The following KIRREL1 variants were observed in gnomAD, a reference collection of about 807,000 sequenced individuals.
KIRREL1 encodes kirre like nephrin family adhesion molecule 1.
A neutral mutation model predicts 83.3 loss-of-function variants in KIRREL1; 25 were observed. That is an observed-to-expected ratio of 0.30 (90% confidence interval 0.22 to 0.42). The LOEUF is 0.42. Ranked by LOEUF, KIRREL1 falls within the 10% of genes least tolerant of loss-of-function variation. The pLI, the probability that KIRREL1 is intolerant of heterozygous loss-of-function variation, is 1.00. For missense variants in KIRREL1, 812 were observed against 1,032.3 expected, an observed-to-expected ratio of 0.79 and a Z score of 2.92; for synonymous variants, 388 against 410.4, an observed-to-expected ratio of 0.95 and a Z score of 0.66.
intron 1 of KIRREL1, among the ~76,000 whole-genome samples, chr1:158,060,233 T>C (rs2101604115): frequency 6.6e-6 from 1 of 152,280 alleles, no homozygotes; most frequent in African/African-American, 2.4e-5. Context: ...CTGGGCAGGG[T>C]TCTGATGACA....
intron 8 of KIRREL1, among the ~76,000 whole-genome samples, chr1:158,088,743 C>G (rs1662100723): frequency 6.6e-6 from 1 of 152,092 alleles, no homozygotes; most frequent in Non-Finnish European, 1.5e-5. Flanking sequence ...CTCGGCCTCC[C>G]AAAGTGCTGG....
intron 1 of KIRREL1, among the ~76,000 whole-genome samples, chr1:158,003,676 G>A (rs1385874589): frequency 2.6e-5 from 4 of 152,116 alleles, no homozygotes; most frequent in East Asian, 1.9e-4. Flanking sequence ...CCAGACTGAC[G>A]TGCCTATCAC....
chr1:158,089,604 C>T lies in KIRREL1; in HGVS notation c.1147C>T (p.Arg383Trp), dbSNP rs749954360. The stretch of plus-strand genomic sequence containing the variant: ...CGTGCCTCGAATCGGAGTGGCTGAG[C>T]GGGAGGTGCCGCTCTATGTGAACGG... ...AIVPRIGVAE[R>W]EVPLYVNGPP... Residue 383 changes from arginine (R) to tryptophan (W), a missense_variant, in exon 9 of 15, where the codon CGG becomes TGG. Physicochemically the swap from Arg to Trp is moderately radical, Grantham distance 101. This residue lies in a region of KIRREL1 where 472 missense variants were observed against 626.8 expected (regional missense o/e 0.75). Transcript: ENST00000359209. The T allele has an allele frequency of 5.0e-6, 8 of 1,613,694 alleles. No individual in the cohort carries two copies. The highest frequency in any genetic ancestry group is 4.4e-5 in the South Asian group (4 of 91,052).
intron 1 of KIRREL1, among the ~76,000 whole-genome samples, chr1:158,045,263 A>G (rs1660748556): frequency 6.6e-6 from 1 of 152,186 alleles, no homozygotes; most frequent in African/African-American, 2.4e-5. Flanking sequence ...CCCCATTACC[A>G]TGAGTTCTAG....
chr1:158,040,135 C>T (rs1329086133), intron 1 of KIRREL1, among the ~76,000 whole-genome samples: 2 of 152,210 alleles, frequency 1.3e-5, no homozygotes, highest in Non-Finnish European at 2.9e-5. Flanking sequence ...ACATAATCCT[C>T]AGTTTGTTCA....
chr1:158,040,125 A>G (rs1419722906), intron 1 of KIRREL1, among the ~76,000 whole-genome samples: 1 of 152,216 alleles, frequency 6.6e-6, no homozygotes, highest in Non-Finnish European at 1.5e-5. Flanking sequence ...TAGGGGCATA[A>G]CATAATCCTC....
chr1:158,030,307 C>T (rs537637093), intron 1 of KIRREL1, among the ~76,000 whole-genome samples: 1 of 152,352 alleles, frequency 6.6e-6, no homozygotes, highest in African/African-American at 2.4e-5. Context: ...TTCTTTCTCA[C>T]CCTCACATAC....
chr1:157,999,802 G>C (rs993947880), intron 1 of KIRREL1, among the ~76,000 whole-genome samples: 2 of 152,166 alleles, frequency 1.3e-5, no homozygotes, highest in Non-Finnish European at 2.9e-5. Context: ...TGAAACCAGG[G>C]AGGAGGAAGA....
Position 158,095,098 on chromosome 1 carries a change from A to T in KIRREL1, c.2252A>T (p.Gln751Leu). 1.9e-6 allele frequency: 3 copies of T among 1,603,684 alleles called. No homozygotes were observed. The highest frequency in any genetic ancestry group is 2.6e-6 in the Non-Finnish European group (3 of 1,172,918). The stretch of plus-strand genomic sequence containing the variant: ...TCGGACTACGGCCAGCGATTCCAGC[A>T]GCGCATGCAGACTCACGTGTAGGGG... Reference protein sequence around the residue: ...QHSDYGQRFQQRMQTHV With the variant: ...QHSDYGQRFQLRMQTHV The change falls in exon 15 of 15, where the codon CAG (glutamine) becomes CTG (leucine). Residue 751 changes from glutamine to leucine, a missense_variant. Physicochemically the swap from Gln to Leu is moderately radical, Grantham distance 113. This residue lies in a region of KIRREL1 where 334 missense variants were observed against 383.7 expected (regional missense o/e 0.87). Coordinates refer to ENST00000359209, the MANE Select transcript of KIRREL1 (RefSeq NM_018240.7).
intron 8 of KIRREL1, 107 bp downstream of exon 8, chr1:158,088,561 T>G: frequency 1.0e-6 from 1 of 969,572 alleles, no homozygotes. Flanking sequence ...CTCGGCTCAC[T>G]GCAAGCTCCG....
intron 1 of KIRREL1, among the ~76,000 whole-genome samples, chr1:158,062,866 C>G (rs1459582578): frequency 1.3e-5 from 2 of 152,244 alleles, no homozygotes; most frequent in African/African-American, 2.4e-5. Context: ...ATCTGGACCT[C>G]TTTCTTTGTC....
chr1:158,065,483 C>T (rs1349537263), intron 1 of KIRREL1, among the ~76,000 whole-genome samples: 4 of 152,078 alleles, frequency 2.6e-5, no homozygotes, highest in Non-Finnish European at 4.4e-5. Flanking sequence ...AAATTTTGTG[C>T]CTGCCCAGGA....
chr1:158,093,801 A>G (rs1398505981), intron 13 of KIRREL1, 39 bp downstream of exon 13: 6 of 1,609,434 alleles, frequency 3.7e-6, no homozygotes, highest in Non-Finnish European at 5.1e-6. Context: ...TGCCTTCTCC[A>G]CCCTCTGAGG....
intron 1 of KIRREL1, among the ~76,000 whole-genome samples, chr1:158,054,847 TG>T (rs1318809001): frequency 2.0e-5 from 3 of 152,302 alleles, no homozygotes; most frequent in African/African-American, 7.2e-5. Flanking sequence ...AGACCTGTGC[TG>T]GGGGATGTTG....
At chr1:158,017,740 TC>T (rs1659873111) in intron 1 of KIRREL1, among the ~76,000 whole-genome samples, 1 of 110,740 alleles carries the variant, frequency 9.0e-6, no homozygotes, top group Admixed American at 1.1e-4. Context: ...GAAAATAGTT[TC>T]TTTTTTTTTC....
chr1:158,000,062 A>T (rs905734235), intron 1 of KIRREL1, among the ~76,000 whole-genome samples: 1 of 134,198 alleles, frequency 7.5e-6, no homozygotes, highest in Non-Finnish European at 1.6e-5. Flanking sequence ...AGCAGGAAAG[A>T]TGGGGTGGGG....
chr1:158,070,978 G>C (rs577564203), intron 1 of KIRREL1, among the ~76,000 whole-genome samples: 135 of 152,170 alleles, frequency 8.9e-4, no homozygotes, highest in African/African-American at 3.0e-3. Flanking sequence ...TTCCTATCCA[G>C]TGAGAAAAAC....
intron 1 of KIRREL1, among the ~76,000 whole-genome samples, chr1:158,070,075 G>A (rs7547456): frequency 0.23 from 34,284 of 151,912 alleles, 4,217 homozygotes; most frequent in Non-Finnish European, 0.27. Context: ...CAGTGTGTGG[G>A]GCAAGTCCTG....
intron 1 of KIRREL1, among the ~76,000 whole-genome samples, chr1:157,998,845 C>A (rs370239409): frequency 2.6e-5 from 4 of 152,318 alleles, no homozygotes; most frequent in South Asian, 4.1e-4. Flanking sequence ...GAACTCCATA[C>A]CAAAGCATCA....
Sources: allele counts gnomAD v4.1 joint callset (sites outside exome capture counted in the v4.1 genomes callset), GRCh38; gene constraint gnomAD v4.1.1; regional missense constraint gnomAD v4.1.1; transcripts MANE v1.5; gene names NCBI Gene and HGNC (gene_info 2026-07-23, HGNC 2026-07-21).